The following ZNF773 variants were observed in gnomAD, a reference collection of about 807,000 sequenced individuals.
The protein encoded by ZNF773 is zinc finger protein 419B.
A neutral mutation model predicts 12.8 loss-of-function variants in ZNF773; 11 were observed. The observed-to-expected ratio is 0.86, with a 90% CI of 0.54 to 1.42. ZNF773 has a LOEUF of 1.42. ZNF773 is among the 40% of genes most tolerant of loss of function. The probability of loss-of-function intolerance (pLI) is 0.00; values close to 1 mark genes in which losing one functional copy is unlikely to be tolerated. For missense variants in ZNF773, 518 were observed against 527.2 expected (o/e 0.98, Z 0.17); for synonymous variants, 175 against 178.4 (o/e 0.98, Z 0.15).
chr19:57,499,945 G>T lies in ZNF773; in HGVS notation c.-136G>T, dbSNP rs540161828. The stretch of plus-strand genomic sequence containing the variant: ...GCTTGCCGGAAGCTGGTTGTTCGCT[G>T]CGGCGACCAGCTCCGGAAAGCGCGG... On this transcript the variant is annotated 5_prime_UTR_variant, in exon 1 of 4. Transcript: ENST00000282292. 65 of 1,216,582 alleles carry T rather than the reference G, an allele frequency of 5.3e-5. No individual in the cohort carries two copies. The African/African-American group carries it at 9.2e-4, about 17-fold the overall frequency. 75.4% of individuals were successfully genotyped at this position (1,216,582 alleles called of 1,614,324 possible).
downstream of ZNF773, among the ~76,000 whole-genome samples, chr19:57,508,760 T>C (rs2089773761): frequency 6.6e-6 from 1 of 151,994 alleles, no homozygotes; most frequent in Middle Eastern, 3.2e-3. Flanking sequence ...TTGTAGTTCT[T>C]AATTTGTATT....
intron 2 of ZNF773, 80 bp from the exon 3 acceptor site, chr19:57,505,222 A>G: frequency 6.8e-7 from 1 of 1,467,746 alleles, no homozygotes; most frequent in Non-Finnish European, 9.5e-7. Context: ...TTTCTGTACT[A>G]TTTTGTTTTC....
At chr19:57,510,930 G>A (rs374940910), downstream of ZNF773, among the ~76,000 whole-genome samples, 18 of 151,846 alleles carry the variant, frequency 1.2e-4, no homozygotes, top group East Asian at 5.8e-4. Flanking sequence ...AGGTTGAGAC[G>A]ATCCCAATAA....
downstream of ZNF773, chr19:57,512,874 C>T (rs904365683): frequency 3.3e-5 from 26 of 789,334 alleles, no homozygotes; most frequent in Admixed American, 3.5e-4. Flanking sequence ...CCAACTGTTA[C>T]GTCTTCCTCT....
chr19:57,509,319 T>G (rs1433896816), downstream of ZNF773, among the ~76,000 whole-genome samples: 3 of 152,240 alleles, frequency 2.0e-5, no homozygotes, highest in Non-Finnish European at 4.4e-5. Flanking sequence ...TAGGTTTAAC[T>G]ACAGATAAAG....
intron 1 of ZNF773, among the ~76,000 whole-genome samples, chr19:57,502,867 A>ATTTTTAGTAGAGATGGGGT (rs1284964189): frequency 1.3e-5 from 2 of 151,732 alleles, no homozygotes; most frequent in Non-Finnish European, 1.5e-5. Context: ...ATTTTTTTGT[A>ATTTTTAGTAGAGATGGGGT]TTTTTAGTAG....
chr19:57,516,212 C>A, downstream of ZNF773: 1 of 155,982 alleles, frequency 6.4e-6, no homozygotes, highest in South Asian at 1.8e-4. Context: ...CGACTGGAGT[C>A]ACACTGACAT....
Position 57,504,758 on chromosome 19 carries a change from G to A in ZNF773, c.135G>A (p.Leu45=), listed in dbSNP as rs1403325622. The change falls in exon 2 of 4, where the codon CTG becomes CTA. Residue 45 remains leucine (L), a synonymous_variant. Transcript: ENST00000282292. ...AQRLLYRNVM[L]ENFTLLASLG... ...GGCTCCTCTACCGCAATGTGATGCT[G>A]GAGAACTTTACACTTCTGGCCTCTC... is the stretch of plus-strand genomic sequence containing the variant. The A allele has an allele frequency of 2.5e-6, 4 of 1,613,504 alleles. No homozygotes were observed. The South Asian group carries it at 4.4e-5, about 18-fold the overall frequency.
chr19:57,502,562 C>T (rs1172179898), intron 1 of ZNF773, among the ~76,000 whole-genome samples: 3 of 152,146 alleles, frequency 2.0e-5, no homozygotes, highest in Non-Finnish European at 2.9e-5. Context: ...TTTGAGAACA[C>T]CTGTAGGGTT....
At chr19:57,503,134 G>C (rs1480899251) in intron 1 of ZNF773, among the ~76,000 whole-genome samples, 5 of 152,176 alleles carry the variant, frequency 3.3e-5, no homozygotes, top group African/African-American at 7.2e-5. Flanking sequence ...AGAGACCCTT[G>C]AGTGGATTCA....
At chr19:57,510,192 C>G (rs4801497), downstream of ZNF773, among the ~76,000 whole-genome samples, 152,352 of 152,360 alleles carry the variant, frequency 1, 76,172 homozygotes, top group Middle Eastern at 1. Context: ...CAGCCATATA[C>G]AAACAATAAT....
At position 57,505,404 on chromosome 19, in the gene ZNF773, C is replaced by G. The variant is rs145850553; in HGVS notation, c.262+4C>G. 1,260 of 1,614,030 alleles carry G rather than the reference C, an allele frequency of 7.8e-4. 12 individuals are homozygous for G. The African/African-American group carries it at 0.014, about 18-fold the overall frequency. On this transcript the variant is annotated splice_donor_region_variant and intron_variant, in intron 3 of 3. Transcript: ENST00000282292. The stretch of plus-strand genomic sequence containing the variant: ...GTGACTTCAGCCATACTGAGAGGTA[C>G]TTGGTGGGTGGAGCTCAGGGAGGTA...
At chr19:57,508,539 G>A (rs1464231935), downstream of ZNF773, 19 of 700,104 alleles carry the variant, frequency 2.7e-5, no homozygotes, top group East Asian at 8.1e-5. Flanking sequence ...GTAACAGGTC[G>A]GCAAATCTCC....
chr19:57,507,251 CCTTT>C lies in ZNF773; in HGVS notation c.1157_1160del (p.Pro386LeufsTer81). 1 of 1,611,134 alleles carries C rather than the reference CCTTT, an allele frequency of 6.2e-7. No individual in the cohort carries two copies. On this transcript the variant is annotated frameshift_variant, in exon 4 of 4. Transcript: ENST00000282292. LOFTEE classifies it low-confidence loss of function (END_TRUNC). Reference sequence around the variant, plus strand: ...TCGAAAAGTTCACACTGGAGAAAAACCTTTTAAGTGCAATGAATGTGGGAGATTC... The same window carrying C: ...TCGAAAAGTTCACACTGGAGAAAAACTAAGTGCAATGAATGTGGGAGATTC...
chr19:57,506,229 C>G (rs866672495), intron 3 of ZNF773, 129 bp from the exon 4 acceptor site: 14 of 1,443,792 alleles, frequency 9.7e-6, no homozygotes, highest in Non-Finnish European at 1.3e-5. Flanking sequence ...CCTTCCCCAC[C>G]AAGCGCTAGC....
chr19:57,513,093 G>A, downstream of ZNF773: 1 of 1,505,630 alleles, frequency 6.6e-7, no homozygotes, highest in South Asian at 1.3e-5. Flanking sequence ...AGCAGAGAAA[G>A]TGAAACTGAC....
downstream of ZNF773, among the ~76,000 whole-genome samples, chr19:57,511,365 T>G (rs998281645): frequency 2.6e-5 from 4 of 152,094 alleles, no homozygotes; most frequent in African/African-American, 9.7e-5. Context: ...ATTTTATAAA[T>G]AAGAATAAAT....
At chr19:57,504,138 T>A (rs1243943556) in intron 1 of ZNF773, among the ~76,000 whole-genome samples, 2 of 152,192 alleles carry the variant, frequency 1.3e-5, no homozygotes, top group Non-Finnish European at 2.9e-5. Context: ...GGGTTGCCCC[T>A]GGTAGTCAGT....
chr19:57,506,231 A>G (rs1455378906), intron 3 of ZNF773, 127 bp from the exon 4 acceptor site: 26 of 1,453,090 alleles, frequency 1.8e-5, no homozygotes, highest in Non-Finnish European at 2.3e-5. Flanking sequence ...TTCCCCACCA[A>G]GCGCTAGCCC....
Sources: allele counts gnomAD v4.1 joint callset (sites outside exome capture counted in the v4.1 genomes callset), GRCh38; gene constraint gnomAD v4.1.1; transcripts MANE v1.5; gene names NCBI Gene and HGNC (gene_info 2026-07-23, HGNC 2026-07-21).